EFR3B: variants seen among roughly 807,000 people sequenced by gnomAD.
EFR3B encodes protein EFR3 homolog B.
Under a neutral mutation model 104.7 loss-of-function variants are expected in EFR3B, and 64 were observed. The ratio of observed to expected loss-of-function variants is 0.61; its 90% CI spans 0.50 to 0.75. EFR3B has a LOEUF of 0.75. Among genes scored for constraint, EFR3B ranks in the 30% least tolerant of loss-of-function variants. EFR3B has a pLI of 0.00. For synonymous variants in EFR3B, 385 were observed against 417.9 expected (o/e 0.92, Z 0.96); for missense variants, 750 against 1,078.5 (o/e 0.70, Z 4.27).
chr2:25,110,248 C>T (rs1477853502), intron 4 of EFR3B, among the ~76,000 whole-genome samples: 1 of 152,190 alleles, frequency 6.6e-6, no homozygotes, highest in Non-Finnish European at 1.5e-5. Flanking sequence ...CCTCCCAGGG[C>T]CTGCACAGCC....
intron 1 of EFR3B, among the ~76,000 whole-genome samples, chr2:25,070,555 A>G (rs1668465711): frequency 6.6e-6 from 1 of 152,170 alleles, no homozygotes; most frequent in Admixed American, 6.5e-5. Flanking sequence ...GAGCCACCGC[A>G]TCCTACTGGC....
At chr2:25,135,415 C>G in intron 12 of EFR3B, 52 bp from the exon 13 acceptor site, 1 of 1,539,942 alleles carries the variant, frequency 6.5e-7, no homozygotes, top group Non-Finnish European at 8.8e-7. Flanking sequence ...TCTCCTCCTG[C>G]ACCTGAGAGG....
At chr2:25,145,161 T>C (rs10180231) in intron 19 of EFR3B, 110 bp downstream of exon 19, 285,295 of 953,632 alleles carry the variant, frequency 0.3, 50,393 homozygotes, top group East Asian at 0.67. Flanking sequence ...GGAAAGCAAG[T>C]TTCTCGAGTA....
chr2:25,080,722 T>A, intron 1 of EFR3B: 1 of 1,066,146 alleles, frequency 9.4e-7, no homozygotes, highest in Non-Finnish European at 1.4e-6. Context: ...TTCATCTTCT[T>A]GGGTTCAGTC....
intron 1 of EFR3B, among the ~76,000 whole-genome samples, chr2:25,071,754 A>G (rs1323652038): frequency 6.6e-6 from 1 of 152,124 alleles, no homozygotes; most frequent in Admixed American, 6.6e-5. Context: ...AAATTGTGTC[A>G]TGGAGGTTTG....
intron 1 of EFR3B, chr2:25,079,810 C>T: frequency 1.4e-6 from 1 of 710,604 alleles, no homozygotes; most frequent in Non-Finnish European, 2.6e-6. Context: ...ATTACAACCT[C>T]CACACACCAA....
At chr2:25,129,347 G>GA (rs1670262545) in intron 6 of EFR3B, among the ~76,000 whole-genome samples, 1 of 137,204 alleles carries the variant, frequency 7.3e-6, no homozygotes, top group African/African-American at 2.9e-5. Context: ...CGGGGGCGGG[G>GA]GCGGGGCGTG....
intron 3 of EFR3B, among the ~76,000 whole-genome samples, chr2:25,100,118 C>T (rs756371395): frequency 6.6e-6 from 1 of 151,984 alleles, no homozygotes; most frequent in Admixed American, 6.6e-5. Flanking sequence ...GCAGGAGAAT[C>T]GCTTGAACCT....
At chr2:25,103,902 C>A in intron 4 of EFR3B, 115 bp downstream of exon 4, 1 of 1,311,900 alleles carries the variant, frequency 7.6e-7, no homozygotes, top group Non-Finnish European at 1.0e-6. Context: ...GGTTCCCAAC[C>A]CTAAGTGTGA....
intron 1 of EFR3B, among the ~76,000 whole-genome samples, chr2:25,049,433 G>A (rs2149163193): frequency 6.6e-6 from 1 of 152,252 alleles, no homozygotes; most frequent in African/African-American, 2.4e-5. Flanking sequence ...CATCATGAGG[G>A]ATAGAAGAAT....
In EFR3B at chr2:25,156,407, C is replaced by T. The variant is rs1671171690; in HGVS notation, c.*2067C>T. ...CCGCCTCCTGGGTTCAAGTGATTCT[C>T]CTGCCTCAGCCTCCTGAGTAGCTGG... On this transcript the variant is annotated 3_prime_UTR_variant, in exon 23 of 23. Coordinates refer to ENST00000403714, the MANE Select transcript of EFR3B (RefSeq NM_014971.2). The T allele has an allele frequency of 1.4e-5, 2 of 146,514 alleles. No homozygotes were observed. The highest frequency in any genetic ancestry group is 5.1e-5 in the African/African-American group (2 of 39,158). The allele number at this position is 146,514 out of a possible 1,614,324, so 9.1% of individuals were successfully genotyped here.
intron 1 of EFR3B, among the ~76,000 whole-genome samples, chr2:25,074,961 T>C (rs1303438062): frequency 6.6e-6 from 1 of 152,134 alleles, no homozygotes. Context: ...AAATATGGAT[T>C]CATGGGCAGT....
intron 3 of EFR3B, among the ~76,000 whole-genome samples, chr2:25,101,841 A>G (rs200539140): frequency 1.1e-5 from 1 of 91,176 alleles, no homozygotes; most frequent in Non-Finnish European, 2.5e-5. Flanking sequence ...GAAACTGTAA[A>G]GATTTTAACC....
intron 1 of EFR3B, among the ~76,000 whole-genome samples, chr2:25,053,284 GAGAA>G (rs1349372665): frequency 1.3e-5 from 2 of 152,226 alleles, no homozygotes; most frequent in African/African-American, 2.4e-5. Flanking sequence ...CTTTGTCAAA[GAGAA>G]AGAAAGGCCC....
intron 5 of EFR3B, among the ~76,000 whole-genome samples, chr2:25,126,398 CGCCTAGGCAGGAGT>C (rs1316453431): frequency 6.6e-6 from 1 of 150,488 alleles, no homozygotes; most frequent in African/African-American, 2.4e-5. Flanking sequence ...CTTACTCTTT[CGCCTAGGCAGGAGT>C]GCAGTGGCAT....
intron 1 of EFR3B, among the ~76,000 whole-genome samples, chr2:25,043,414 TCA>T (rs2149160483): frequency 6.6e-6 from 1 of 152,218 alleles, no homozygotes; most frequent in South Asian, 2.1e-4. Context: ...AGACTGTGAG[TCA>T]CAAAGTTTGT....
intron 4 of EFR3B, among the ~76,000 whole-genome samples, chr2:25,117,409 CCT>C (rs1341444418): frequency 1.3e-4 from 19 of 151,786 alleles, no homozygotes; most frequent in African/African-American, 4.1e-4. Flanking sequence ...TGTCCCCCAC[CCT>C]CTTTTTTTTT....
chr2:25,102,621 G>GC (rs141213672), intron 3 of EFR3B, among the ~76,000 whole-genome samples: 4,905 of 152,146 alleles, frequency 0.032, 254 homozygotes, highest in African/African-American at 0.11. Flanking sequence ...TCCACCTGGT[G>GC]CCCCCCTTGA....
At chr2:25,121,616 A>C (rs1023512075) in intron 4 of EFR3B, 57 bp from the exon 5 acceptor site, 1 of 1,547,042 alleles carries the variant, frequency 6.5e-7, no homozygotes, top group Non-Finnish European at 8.7e-7. Context: ...GATGCCCAGC[A>C]GTGAGAAGCA....
Sources: allele counts gnomAD v4.1 joint callset (sites outside exome capture counted in the v4.1 genomes callset), GRCh38; gene constraint gnomAD v4.1.1; transcripts MANE v1.5; gene names NCBI Gene and HGNC (gene_info 2026-07-23, HGNC 2026-07-21).